Variants in LCP1 observed in about 807,000 individuals in gnomAD.
LCP1 encodes plastin-2.
LCP1 carries 23 observed loss-of-function variants against 72.0 expected under a neutral mutation model. The ratio of observed to expected loss-of-function variants is 0.32; its 90% CI spans 0.23 to 0.45. The LOEUF (loss-of-function observed/expected upper bound fraction) is 0.45, where lower values mean the gene tolerates loss of function less well. Ranked by LOEUF, LCP1 falls within the 20% of genes least tolerant of loss-of-function variation. The pLI is 1.00. For missense variants in LCP1, 571 were observed against 748.3 expected (o/e 0.76, Z 2.76); for synonymous variants, 245 against 275.4 (o/e 0.89, Z 1.09).
In LCP1 at chr13:46,126,260, G is replaced by A. The variant is rs367758000; in HGVS notation, c.*1331C>T. ...GGAGCTTTTCACCATGATAGAGGGCGTCTTGCATTGGTTCACAATGGCCTG... is the reference window on the plus strand; with the variant it reads ...GGAGCTTTTCACCATGATAGAGGGCATCTTGCATTGGTTCACAATGGCCTG... On this transcript the variant is annotated 3_prime_UTR_variant, in exon 16 of 16. Coordinates refer to ENST00000323076, the MANE Select transcript of LCP1 (RefSeq NM_002298.5). 4.4e-5 allele frequency: 10 copies of A among 227,374 alleles called. No individual in the cohort carries two copies. Among genetic ancestry groups the A allele is most frequent in the African/African-American group, 1.3e-4 (6 of 45,008 alleles). 14.1% of individuals were successfully genotyped at this position (227,374 alleles called of 1,614,324 possible).
rs1469973584 is a variant in LCP1, at chr13:46,126,756, T to G, written c.*835A>C. Reference sequence around the variant, plus strand: ...TCCATGCTGCCGCCGAGTGGCTTGATGCTCCATTACACCCTCCTTGGATCC... The same window carrying G: ...TCCATGCTGCCGCCGAGTGGCTTGAGGCTCCATTACACCCTCCTTGGATCC... On this transcript the variant is annotated 3_prime_UTR_variant, in exon 16 of 16. Coordinates refer to ENST00000323076, the MANE Select transcript of LCP1 (RefSeq NM_002298.5). 8.6e-6 allele frequency: 2 copies of G among 231,258 alleles called. No homozygotes were observed. The highest frequency in any genetic ancestry group is 6.1e-5 in the East Asian group (1 of 16,332). The allele number at this position is 231,258 out of a possible 1,614,324, so 14.3% of individuals were successfully genotyped here.
chr13:46,153,222 A>G, intron 6 of LCP1: 1 of 248,218 alleles, frequency 4.0e-6, no homozygotes, highest in South Asian at 8.7e-5. Flanking sequence ...TGAGGCCTAT[A>G]TTTTTCCATC....
chr13:46,176,875 T>TTGTGTGTGTG (rs58990974), intron 1 of LCP1, among the ~76,000 whole-genome samples: 36 of 143,850 alleles, frequency 2.5e-4, no homozygotes, highest in African/African-American at 8.5e-4. Flanking sequence ...GTGTGTTTAT[T>TTGTGTGTGTG]TGTGTGTGTG....
intron 15 of LCP1, among the ~76,000 whole-genome samples, chr13:46,128,285 A>G (rs1040053117): frequency 6.6e-6 from 1 of 152,232 alleles, no homozygotes; most frequent in Non-Finnish European, 1.5e-5. Context: ...GACAAGGAAC[A>G]AAAGAGGAAA....
intron 13 of LCP1, among the ~76,000 whole-genome samples, chr13:46,139,333 G>A (rs910407220): frequency 2.6e-5 from 4 of 152,196 alleles, no homozygotes; most frequent in African/African-American, 7.2e-5. Flanking sequence ...TAAAGCAAAT[G>A]TGAATCAGGG....
At chr13:46,165,442 ATAT>A (rs948062015) in intron 1 of LCP1, among the ~76,000 whole-genome samples, 5 of 152,176 alleles carry the variant, frequency 3.3e-5, no homozygotes, top group African/African-American at 1.2e-4. Context: ...GGTTATGATA[ATAT>A]TATAAGATTA....
At chr13:46,139,945 A>T (rs1421999732) in intron 13 of LCP1, among the ~76,000 whole-genome samples, 1 of 152,236 alleles carries the variant, frequency 6.6e-6, no homozygotes, top group African/African-American at 2.4e-5. Context: ...AACATATGAA[A>T]CAATGTTGTT....
rs1237525744 is a variant in LCP1, at chr13:46,153,701, C to CAA, written c.574-758_574-757dup. Among the ~76,000 whole-genome samples, 560 of 74,846 alleles carry CAA rather than the reference C, an allele frequency of 7.5e-3. 4 individuals carry two copies. The highest frequency in any genetic ancestry group is 0.025 in the African/African-American group (506 of 19,972). 49.1% of individuals were successfully genotyped at this position (74,846 alleles called of 152,430 possible). ...GGGCGACAAGAGTGAAACTCCATCT[C>CAA]AAAAAAAAAAAAAAAGAAAACGAAA... On this transcript the variant is annotated intron_variant, in intron 6 of 15. Transcript: ENST00000323076.
At chr13:46,165,322 T>A (rs1313204467) in intron 1 of LCP1, among the ~76,000 whole-genome samples, 1 of 151,648 alleles carries the variant, frequency 6.6e-6, no homozygotes, top group East Asian at 1.9e-4. Context: ...TGCAGTGAAC[T>A]GAGATCATGC....
intron 1 of LCP1, among the ~76,000 whole-genome samples, chr13:46,160,869 T>C (rs1333487472): frequency 2.0e-5 from 3 of 152,126 alleles, no homozygotes; most frequent in African/African-American, 7.2e-5. Context: ...AGGGAAGTTA[T>C]CGATTTAAAA....
chr13:46,143,171 A>AT lies in LCP1; in HGVS notation c.1368+118dup, dbSNP rs200177104. On this transcript the variant is annotated intron_variant, in intron 12 of 15. Transcript: ENST00000323076. ...TCAGGTTTCTGATTGCTGTACTAGAATTTAATTTCTGGAAAAACATTACTT... is the reference window on the plus strand; with the variant it reads ...TCAGGTTTCTGATTGCTGTACTAGAATTTTAATTTCTGGAAAAACATTACTT... The AT allele has an allele frequency of 9.0e-4, 583 of 645,678 alleles. 5 individuals are homozygous for AT. In the African/African-American group the frequency reaches 9.3e-3, roughly 10 times the overall value. The allele number at this position is 645,678 out of a possible 1,614,324, so 40.0% of individuals were successfully genotyped here.
intron 1 of LCP1, among the ~76,000 whole-genome samples, chr13:46,179,825 G>A (rs936187831): frequency 1.3e-5 from 2 of 151,952 alleles, no homozygotes; most frequent in African/African-American, 4.8e-5. Flanking sequence ...GTGGGTCGAG[G>A]CAAGTTTGTA....
intron 6 of LCP1, 70 bp downstream of exon 6, chr13:46,154,735 G>A (rs1593954816): frequency 9.4e-6 from 12 of 1,274,816 alleles, no homozygotes; most frequent in East Asian, 7.0e-5. Context: ...TGAAAAAGGC[G>A]GACTCAGCAG....
intron 8 of LCP1, among the ~76,000 whole-genome samples, chr13:46,150,450 T>C (rs902562979): frequency 4.6e-5 from 7 of 152,098 alleles, no homozygotes; most frequent in Non-Finnish European, 8.8e-5. Flanking sequence ...CCTCATGGGG[T>C]TGTTGTAAGG....
chr13:46,152,209 C>CT (rs2045772959), intron 7 of LCP1, among the ~76,000 whole-genome samples: 2 of 151,452 alleles, frequency 1.3e-5, no homozygotes, highest in African/African-American at 2.4e-5. Context: ...TTCTTTCTTT[C>CT]TTTTTTGTAG....
chr13:46,155,782 A>G (rs2045797657), intron 5 of LCP1, among the ~76,000 whole-genome samples: 1 of 152,156 alleles, frequency 6.6e-6, no homozygotes, highest in Non-Finnish European at 1.5e-5. Context: ...CCCCTTTTCC[A>G]GGTGTCCTCA....
chr13:46,161,298 A>G (rs1046818666), intron 1 of LCP1, among the ~76,000 whole-genome samples: 62 of 152,236 alleles, frequency 4.1e-4, no homozygotes, highest in African/African-American at 1.5e-3. Context: ...TGATTTGAAA[A>G]TCATAGAATT....
chr13:46,138,137 T>C (rs2045675708), intron 13 of LCP1, among the ~76,000 whole-genome samples: 1 of 152,228 alleles, frequency 6.6e-6, no homozygotes, highest in Non-Finnish European at 1.5e-5. Flanking sequence ...ATATGCTGTT[T>C]GCCAACTGTC....
chr13:46,148,201 C>T, intron 9 of LCP1, 151 bp downstream of exon 9: 2 of 612,718 alleles, frequency 3.3e-6, no homozygotes, highest in Non-Finnish European at 5.9e-6. Flanking sequence ...CAATTATTAT[C>T]CCAAACTGCT....
Sources: gnomAD v4.1 joint callset for allele counts (sites outside exome capture counted in the v4.1 genomes callset) on GRCh38, gnomAD v4.1.1 for gene constraint, MANE v1.5 for transcripts, NCBI Gene and HGNC (gene_info 2026-07-23, HGNC 2026-07-21) for gene names.